HEMK2: variants seen among roughly 807,000 people sequenced by gnomAD.
HEMK2 encodes methyltransferase HEMK2.
chr21:28,860,682 AAC>A, the HEMK2 span, among the ~76,000 whole-genome samples: 2 of 152,116 alleles, frequency 1.3e-5, no homozygotes, highest in Admixed American at 6.6e-5. Context: ...AAACTGAAAA[AAC>A]AGACACAAGA....
chr21:28,767,288 T>C, the HEMK2 span, among the ~76,000 whole-genome samples: 1 of 151,828 alleles, frequency 6.6e-6, no homozygotes, highest in Non-Finnish European at 1.5e-5. Context: ...CAGTCTCGGG[T>C]ATGTCTTTTT....
the HEMK2 span, among the ~76,000 whole-genome samples, chr21:28,641,430 AT>A: frequency 6.6e-6 from 1 of 152,184 alleles, no homozygotes; most frequent in African/African-American, 2.4e-5. Flanking sequence ...CCTCTAAAAA[AT>A]GGGCTATATA....
the HEMK2 span, among the ~76,000 whole-genome samples, chr21:28,782,960 G>A: frequency 3.4e-4 from 51 of 152,020 alleles, no homozygotes; most frequent in African/African-American, 1.0e-3. Context: ...ATGTTTTTTC[G>A]CAAGTGCTGG....
chr21:28,846,887 TTTG>T, the HEMK2 span, among the ~76,000 whole-genome samples: 3 of 152,206 alleles, frequency 2.0e-5, no homozygotes, highest in Admixed American at 6.5e-5. Flanking sequence ...GTATGTGGCA[TTTG>T]TTTTTCTGTT....
the HEMK2 span, among the ~76,000 whole-genome samples, chr21:28,771,525 C>CCG: frequency 7.0e-6 from 1 of 143,292 alleles, no homozygotes; most frequent in Non-Finnish European, 1.5e-5. Flanking sequence ...ACCACCCCCC[C>CCG]CCGCCAAAGA....
the HEMK2 span, chr21:28,882,396 A>T: frequency 1.8e-6 from 1 of 563,498 alleles, no homozygotes; most frequent in Non-Finnish European, 3.1e-6. Flanking sequence ...GGCAAAGAAA[A>T]AGAGAACAAG....
At chr21:28,596,463 T>C in the HEMK2 span, among the ~76,000 whole-genome samples, 2 of 152,238 alleles carry the variant, frequency 1.3e-5, no homozygotes. Context: ...TTATAAGTGA[T>C]GTAATAAATC....
At chr21:28,870,713 G>A in the HEMK2 span, among the ~76,000 whole-genome samples, 1 of 152,100 alleles carries the variant, frequency 6.6e-6, no homozygotes, top group African/African-American at 2.4e-5. Context: ...TTTCTTCCTT[G>A]ACATATGAAT....
the HEMK2 span, among the ~76,000 whole-genome samples, chr21:28,733,851 C>T: frequency 7.3e-5 from 6 of 81,978 alleles, no homozygotes; most frequent in Admixed American, 6.7e-4. Flanking sequence ...GTTTAGTCTT[C>T]CTCTGCGACA....
the HEMK2 span, among the ~76,000 whole-genome samples, chr21:28,665,334 C>CTTTTTTTTTTT: frequency 3.0e-4 from 11 of 36,670 alleles, no homozygotes; most frequent in African/African-American, 1.2e-3. Context: ...ATTTATATTT[C>CTTTTTTTTTTT]TTTTTTTTTT....
the HEMK2 span, among the ~76,000 whole-genome samples, chr21:28,841,340 T>TA: frequency 1.2e-4 from 2 of 16,456 alleles, no homozygotes; most frequent in Non-Finnish European, 1.6e-4. Flanking sequence ...TAAATATATA[T>TA]TATATATATA....
the HEMK2 span, among the ~76,000 whole-genome samples, chr21:28,611,772 G>A: frequency 1.3e-5 from 2 of 152,014 alleles, no homozygotes; most frequent in Non-Finnish European, 2.9e-5. Flanking sequence ...GCTGTGCATG[G>A]TGGTGGGCAC....
At chr21:28,849,846 C>A in the HEMK2 span, among the ~76,000 whole-genome samples, 1 of 152,128 alleles carries the variant, frequency 6.6e-6, no homozygotes, top group Non-Finnish European at 1.5e-5. Flanking sequence ...ATGAATAAAA[C>A]CTCCAACAAA....
At chr21:28,623,708 T>C in the HEMK2 span, among the ~76,000 whole-genome samples, 8 of 152,118 alleles carry the variant, frequency 5.3e-5, no homozygotes, top group African/African-American at 1.9e-4. Flanking sequence ...CTGGAAACCA[T>C]CATTCTCAGC....
the HEMK2 span, among the ~76,000 whole-genome samples, chr21:28,831,878 C>G: frequency 4.6e-5 from 7 of 151,956 alleles, no homozygotes; most frequent in South Asian, 4.1e-4. Context: ...TTTTACTATA[C>G]GTACACAAGA....
the HEMK2 span, among the ~76,000 whole-genome samples, chr21:28,602,078 T>C: frequency 2.0e-5 from 3 of 152,196 alleles, no homozygotes; most frequent in Non-Finnish European, 4.4e-5. Context: ...TTCGGCTTCC[T>C]AAACAAGAAA....
chr21:28,582,426 T>G, the HEMK2 span, among the ~76,000 whole-genome samples: 3 of 152,138 alleles, frequency 2.0e-5, no homozygotes, highest in Non-Finnish European at 2.9e-5. Flanking sequence ...TTAAACCACC[T>G]GGGGGGAATC....
At chr21:28,856,789 G>GT in the HEMK2 span, among the ~76,000 whole-genome samples, 1 of 152,236 alleles carries the variant, frequency 6.6e-6, no homozygotes, top group South Asian at 2.1e-4. Context: ...TGCAACCTGC[G>GT]TATCAGGAGA....
the HEMK2 span, among the ~76,000 whole-genome samples, chr21:28,623,880 TG>T: frequency 6.6e-6 from 1 of 152,110 alleles, no homozygotes; most frequent in Non-Finnish European, 1.5e-5. Flanking sequence ...AAATACCTAA[TG>T]TATATGACGG....
Sources: allele counts gnomAD v4.1 joint callset (sites outside exome capture counted in the v4.1 genomes callset), GRCh38; gene constraint gnomAD v4.1.1; transcripts MANE v1.5; gene names NCBI Gene and HGNC (gene_info 2026-07-23, HGNC 2026-07-21).